Variants in SLC2A13 observed in about 807,000 individuals in gnomAD.
The protein encoded by SLC2A13 is solute carrier family 2 member 13.
In SLC2A13, 32 loss-of-function variants were observed where a neutral mutation model predicts 64.4. The ratio of observed to expected loss-of-function variants is 0.50; its 90% CI spans 0.37 to 0.67. The LOEUF (loss-of-function observed/expected upper bound fraction) is 0.67, where lower values mean the gene tolerates loss of function less well. Ranked by LOEUF, SLC2A13 falls within the 30% of genes least tolerant of loss-of-function variation. The pLI is 0.00. For missense variants in SLC2A13, 743 were observed against 829.2 expected, an observed-to-expected ratio of 0.90 and a Z score of 1.28; for synonymous variants, 338 against 327.1, an observed-to-expected ratio of 1.03 and a Z score of -0.36.
chr12:39,985,132 C>T (rs899753667), intron 3 of SLC2A13, among the ~76,000 whole-genome samples: 14 of 151,954 alleles, frequency 9.2e-5, no homozygotes, highest in African/African-American at 3.4e-4. Context: ...TGGAAAATTA[C>T]AAAAAATGAA....
At chr12:39,811,493 T>G (rs1942158209) in intron 7 of SLC2A13, among the ~76,000 whole-genome samples, 1 of 152,146 alleles carries the variant, frequency 6.6e-6, no homozygotes, top group African/African-American at 2.4e-5. Flanking sequence ...CTGACGTTCT[T>G]GATATGTTAT....
chr12:40,014,753 G>A (rs993825281), intron 3 of SLC2A13, among the ~76,000 whole-genome samples: 6 of 152,094 alleles, frequency 3.9e-5, no homozygotes, highest in East Asian at 1.9e-4. Flanking sequence ...TCAGCCTGCC[G>A]AAGTACTGGG....
chr12:40,010,517 T>C (rs1947512345), intron 3 of SLC2A13, among the ~76,000 whole-genome samples: 1 of 152,190 alleles, frequency 6.6e-6, no homozygotes, highest in Non-Finnish European at 1.5e-5. Context: ...AAAAATGTAT[T>C]GTCTACAATC....
At chr12:40,036,689 A>G (rs1947992177) in intron 2 of SLC2A13, among the ~76,000 whole-genome samples, 1 of 152,186 alleles carries the variant, frequency 6.6e-6, no homozygotes, top group East Asian at 1.9e-4. Context: ...TAGTGTTATA[A>G]TAAGTCTTGA....
chr12:39,862,720 A>G (rs1029631801), intron 6 of SLC2A13, among the ~76,000 whole-genome samples: 4 of 152,136 alleles, frequency 2.6e-5, no homozygotes, highest in Non-Finnish European at 5.9e-5. Flanking sequence ...ATTCTTAATT[A>G]TTGTGTATGC....
At chr12:40,100,309 G>A (rs1939100123) in intron 1 of SLC2A13, among the ~76,000 whole-genome samples, 1 of 152,150 alleles carries the variant, frequency 6.6e-6, no homozygotes, top group Non-Finnish European at 1.5e-5. Flanking sequence ...GAATACTGGT[G>A]ACTATCAAAT....
At chr12:40,012,202 T>C (rs768475861) in intron 3 of SLC2A13, among the ~76,000 whole-genome samples, 8 of 152,258 alleles carry the variant, frequency 5.3e-5, no homozygotes, top group Non-Finnish European at 4.4e-5. Flanking sequence ...AACAGAAACC[T>C]ACTAAATTAG....
intron 3 of SLC2A13, among the ~76,000 whole-genome samples, chr12:40,025,738 T>A (rs936291320): frequency 6.6e-6 from 1 of 152,194 alleles, no homozygotes; most frequent in African/African-American, 2.4e-5. Context: ...ATGTTGTGGA[T>A]CAAAATTCTC....
chr12:39,985,753 T>A (rs1228433704), intron 3 of SLC2A13, among the ~76,000 whole-genome samples: 1 of 152,150 alleles, frequency 6.6e-6, no homozygotes, highest in Admixed American at 6.5e-5. Context: ...GGCAGCTTAA[T>A]CAACAAAAAT....
chr12:39,899,198 G>C (rs546811817), intron 4 of SLC2A13, among the ~76,000 whole-genome samples: 2 of 152,216 alleles, frequency 1.3e-5, no homozygotes, highest in Non-Finnish European at 2.9e-5. Flanking sequence ...CTTCTTCCTG[G>C]TTTAGTCTTG....
chr12:40,055,465 T>G (rs972490342), intron 1 of SLC2A13, among the ~76,000 whole-genome samples: 2 of 152,188 alleles, frequency 1.3e-5, no homozygotes, highest in Non-Finnish European at 2.9e-5. Context: ...CTGTATCACG[T>G]TTGTCTCTCC....
intron 3 of SLC2A13, among the ~76,000 whole-genome samples, chr12:40,016,434 AAAC>A (rs1196244858): frequency 6.6e-6 from 1 of 152,220 alleles, no homozygotes; most frequent in African/African-American, 2.4e-5. Context: ...ATATAAATAT[AAAC>A]TAGCTAATGA....
chr12:39,933,201 C>T (rs1444792909), intron 4 of SLC2A13, among the ~76,000 whole-genome samples: 1 of 152,150 alleles, frequency 6.6e-6, no homozygotes, highest in Non-Finnish European at 1.5e-5. Flanking sequence ...TGCACCCCAG[C>T]CTGGGCGACA....
intron 3 of SLC2A13, among the ~76,000 whole-genome samples, chr12:40,009,604 A>G (rs1947488828): frequency 6.6e-6 from 1 of 152,022 alleles, no homozygotes; most frequent in African/African-American, 2.4e-5. Context: ...CAATTTTTTA[A>G]AAAACTTTTA....
intron 3 of SLC2A13, among the ~76,000 whole-genome samples, chr12:39,986,457 C>G (rs1196791407): frequency 6.6e-6 from 1 of 151,648 alleles, no homozygotes; most frequent in Non-Finnish European, 1.5e-5. Flanking sequence ...GAGGAAGGAC[C>G]AATGTTTTTT....
rs1311880129 is a variant in SLC2A13, at chr12:39,981,129, G to A, written c.926-29764C>T. Reference sequence around the variant, plus strand: ...TAAAGATGTTCTTTGAAACCAACGAGAACAAAGACACAACATATCAGAATC... The same window carrying A: ...TAAAGATGTTCTTTGAAACCAACGAAAACAAAGACACAACATATCAGAATC... On this transcript the variant is annotated intron_variant, in intron 3 of 9. Coordinates refer to ENST00000280871, the MANE Select transcript of SLC2A13 (RefSeq NM_052885.4). Among the ~76,000 whole-genome samples, 4 of 151,430 alleles carry A rather than the reference G, an allele frequency of 2.6e-5. No individual in the cohort carries two copies. The East Asian group carries it at 7.8e-4, about 29-fold the overall frequency.
chr12:39,812,241 A>G (rs974181575), intron 7 of SLC2A13, among the ~76,000 whole-genome samples: 1 of 151,924 alleles, frequency 6.6e-6, no homozygotes, highest in African/African-American at 2.4e-5. Flanking sequence ...CCCCTTTATA[A>G]AGGCACTTAT....
rs377431573 is a variant in SLC2A13, at chr12:39,864,908, G to C, written c.1199-26C>G. ...CTTAAAAAAAAAAAGTTTTATATTAGAGAAGAGTTGACAATATTGTTTTAA... is the reference window on the plus strand; with the variant it reads ...CTTAAAAAAAAAAAGTTTTATATTACAGAAGAGTTGACAATATTGTTTTAA... On this transcript the variant is annotated intron_variant, in intron 5 of 9. Transcript: ENST00000280871. 6.9e-6 allele frequency: 11 copies of C among 1,592,594 alleles called. No homozygotes were observed. In the African/African-American group the frequency reaches 9.5e-5, roughly 14 times the overall value.
intron 1 of SLC2A13, among the ~76,000 whole-genome samples, chr12:40,072,423 A>T (rs1171003398): frequency 6.6e-6 from 1 of 152,106 alleles, no homozygotes; most frequent in African/African-American, 2.4e-5. Context: ...GGTGTTGTTG[A>T]GTTCAACAAT....
Sources: gnomAD v4.1 joint callset for allele counts (sites outside exome capture counted in the v4.1 genomes callset) on GRCh38, gnomAD v4.1.1 for gene constraint, MANE v1.5 for transcripts, NCBI Gene and HGNC (gene_info 2026-07-23, HGNC 2026-07-21) for gene names.